Variants in ADGRL3 observed in about 807,000 individuals in gnomAD.
The protein encoded by ADGRL3 is calcium-independent alpha-latrotoxin receptor 3.
ADGRL3 carries 62 observed loss-of-function variants against 153.5 expected under a neutral mutation model. The observed-to-expected ratio is 0.40, with a 90% CI of 0.33 to 0.50. The LOEUF (loss-of-function observed/expected upper bound fraction) is 0.50, where lower values mean the gene tolerates loss of function less well. ADGRL3 is among the 20% of genes least tolerant of loss of function. ADGRL3 has a pLI of 0.47. For synonymous variants in ADGRL3, 710 were observed against 672.5 expected, an observed-to-expected ratio of 1.06 and a Z score of -0.86; for missense variants, 1,641 against 1,859.4, an observed-to-expected ratio of 0.88 and a Z score of 2.16.
At chr4:61,779,009 G>A (rs1316977038) in intron 8 of ADGRL3, among the ~76,000 whole-genome samples, 2 of 151,082 alleles carry the variant, frequency 1.3e-5, no homozygotes, top group African/African-American at 4.9e-5. Context: ...AGTGAGCCAA[G>A]ATCATGCCAT....
intron 6 of ADGRL3, among the ~76,000 whole-genome samples, chr4:61,690,640 G>A (rs1333885722): frequency 1.3e-5 from 2 of 152,080 alleles, no homozygotes; most frequent in Non-Finnish European, 2.9e-5. Flanking sequence ...GGAAGGATCA[G>A]AAGAGAGATC....
At chr4:61,389,585 A>AC (rs199668179) in intron 2 of ADGRL3, among the ~76,000 whole-genome samples, 1 of 150,498 alleles carries the variant, frequency 6.6e-6, no homozygotes, top group African/African-American at 2.5e-5. Flanking sequence ...TCGCTTTTTT[A>AC]CCCCTTTTTT....
At chr4:61,654,508 C>T (rs1009095746) in intron 5 of ADGRL3, among the ~76,000 whole-genome samples, 1 of 151,714 alleles carries the variant, frequency 6.6e-6, no homozygotes, top group Admixed American at 6.6e-5. Flanking sequence ...CACTTCTGTA[C>T]TTTTTAGAAT....
chr4:61,301,695 T>A (rs17291864), intron 1 of ADGRL3, among the ~76,000 whole-genome samples: 1 of 151,960 alleles, frequency 6.6e-6, no homozygotes, highest in Non-Finnish European at 1.5e-5. Flanking sequence ...TTTACTCTTC[T>A]AGAGGTGACA....
intron 1 of ADGRL3, among the ~76,000 whole-genome samples, chr4:61,224,923 G>A (rs1747257683): frequency 6.6e-6 from 1 of 152,128 alleles, no homozygotes; most frequent in South Asian, 2.1e-4. Flanking sequence ...CTTATTTATT[G>A]AGCTTTGTCT....
intron 2 of ADGRL3, among the ~76,000 whole-genome samples, chr4:61,439,309 A>G (rs985147507): frequency 2.0e-5 from 3 of 152,252 alleles, no homozygotes; most frequent in African/African-American, 7.2e-5. Flanking sequence ...GGCTTGAAAG[A>G]CAATATTTGA....
chr4:61,296,318 T>G (rs1047449747), intron 1 of ADGRL3, among the ~76,000 whole-genome samples: 4 of 138,308 alleles, frequency 2.9e-5, no homozygotes, highest in Non-Finnish European at 4.9e-5. Context: ...GAAGGCTGAG[T>G]GACTCTTTAC....
At chr4:61,748,235 CA>C (rs952458741) in intron 8 of ADGRL3, among the ~76,000 whole-genome samples, 1 of 152,132 alleles carries the variant, frequency 6.6e-6, no homozygotes, top group African/African-American at 2.4e-5. Context: ...AAGAACATTC[CA>C]TGCTCATGGG....
At chr4:61,555,467 T>G (rs1458476036) in intron 4 of ADGRL3, among the ~76,000 whole-genome samples, 2 of 152,126 alleles carry the variant, frequency 1.3e-5, no homozygotes, top group African/African-American at 4.8e-5. Flanking sequence ...TCTGTTTCAG[T>G]AAATATTAAA....
At chr4:61,787,829 C>A (rs959463017) in intron 8 of ADGRL3, among the ~76,000 whole-genome samples, 2 of 151,964 alleles carry the variant, frequency 1.3e-5, no homozygotes, top group Admixed American at 6.6e-5. Context: ...AGAACAGTTT[C>A]ATCACTCTAA....
chr4:61,468,728 G>T (rs539731424), intron 2 of ADGRL3, among the ~76,000 whole-genome samples: 59 of 152,104 alleles, frequency 3.9e-4, no homozygotes, highest in African/African-American at 1.4e-3. Flanking sequence ...AATAAAAAAG[G>T]CTCTGTTCCA....
chr4:62,006,356 G>A (rs1270748696), intron 21 of ADGRL3, among the ~76,000 whole-genome samples: 1 of 151,942 alleles, frequency 6.6e-6, no homozygotes, highest in Non-Finnish European at 1.5e-5. Context: ...AGAATGGAGT[G>A]GAGTGTGACT....
At chr4:61,445,024 G>T (rs1358355505) in intron 2 of ADGRL3, among the ~76,000 whole-genome samples, 2 of 149,626 alleles carry the variant, frequency 1.3e-5, no homozygotes, top group Admixed American at 1.4e-4. Context: ...TGCACTCCAG[G>T]CTGGGTGAAA....
chr4:61,893,903 G>C (rs2098607570), intron 10 of ADGRL3, among the ~76,000 whole-genome samples: 1 of 151,692 alleles, frequency 6.6e-6, no homozygotes, highest in East Asian at 1.9e-4. Flanking sequence ...GTGGAGACAG[G>C]TTTCGCCATG....
intron 4 of ADGRL3, among the ~76,000 whole-genome samples, chr4:61,547,476 ATGTT>A (rs1280564221): frequency 6.6e-6 from 1 of 151,672 alleles, no homozygotes; most frequent in Non-Finnish European, 1.5e-5. Context: ...TTGTGTCTGT[ATGTT>A]TAACTCCCAC....
intron 1 of ADGRL3, among the ~76,000 whole-genome samples, chr4:61,287,408 A>C (rs931154968): frequency 6.6e-6 from 1 of 151,978 alleles, no homozygotes; most frequent in African/African-American, 2.4e-5. Flanking sequence ...TGGTGAGGAT[A>C]ACTTTAATAT....
intron 4 of ADGRL3, among the ~76,000 whole-genome samples, chr4:61,518,542 A>G (rs2098511155): frequency 6.6e-6 from 1 of 152,214 alleles, no homozygotes; most frequent in Non-Finnish European, 1.5e-5. Context: ...TCATTAATCC[A>G]TTTGAGATTT....
intron 6 of ADGRL3, among the ~76,000 whole-genome samples, chr4:61,723,274 C>A (rs960669757): frequency 6.6e-6 from 1 of 152,100 alleles, no homozygotes; most frequent in African/African-American, 2.4e-5. Flanking sequence ...TTAGTTTGTC[C>A]TTTATAGCAT....
intron 6 of ADGRL3, among the ~76,000 whole-genome samples, chr4:61,712,087 C>T (rs577260947): frequency 6.6e-5 from 10 of 152,176 alleles, no homozygotes; most frequent in African/African-American, 2.4e-4. Flanking sequence ...AACAGTATAG[C>T]ATCTTGGTTA....
Sources: allele counts gnomAD v4.1 joint callset (sites outside exome capture counted in the v4.1 genomes callset), GRCh38; gene constraint gnomAD v4.1.1; transcripts MANE v1.5; gene names NCBI Gene and HGNC (gene_info 2026-07-23, HGNC 2026-07-21).